The following NEGR1 variants were observed in gnomAD, a reference collection of about 807,000 sequenced individuals.
NEGR1 encodes IgLON family member 4.
A neutral mutation model predicts 40.9 loss-of-function variants in NEGR1; 10 were observed. The observed-to-expected ratio is 0.24, with a 90% CI of 0.15 to 0.42. The LOEUF (loss-of-function observed/expected upper bound fraction) is 0.42, where lower values mean the gene tolerates loss of function less well. Among genes scored for constraint, NEGR1 ranks in the 10% least tolerant of loss-of-function variants. The probability of loss-of-function intolerance (pLI) is 1.00; values close to 1 mark genes in which losing one functional copy is unlikely to be tolerated. For missense variants in NEGR1, 352 were observed against 438.9 expected (o/e 0.80, Z 1.77); for synonymous variants, 185 against 166.8 (o/e 1.11, Z -0.84).
chr1:72,121,063 T>C (rs1313624325), intron 1 of NEGR1, among the ~76,000 whole-genome samples: 1 of 152,114 alleles, frequency 6.6e-6, no homozygotes, highest in Non-Finnish European at 1.5e-5. Flanking sequence ...TATTTTTCTT[T>C]CACAGTGTAG....
chr1:71,529,678 T>C (rs557887264), intron 6 of NEGR1, among the ~76,000 whole-genome samples: 1 of 151,294 alleles, frequency 6.6e-6, no homozygotes, highest in Admixed American at 6.6e-5. Flanking sequence ...TAGTAAGAGA[T>C]GGTAAGCATT....
chr1:72,072,083 C>T (rs1569914808), intron 1 of NEGR1, among the ~76,000 whole-genome samples: 1 of 152,284 alleles, frequency 6.6e-6, no homozygotes, highest in East Asian at 1.9e-4. Context: ...GACTTTCCTA[C>T]TTCCACACAT....
intron 1 of NEGR1, among the ~76,000 whole-genome samples, chr1:72,069,578 C>A (rs1248110981): frequency 6.6e-6 from 1 of 152,130 alleles, no homozygotes; most frequent in African/African-American, 2.4e-5. Flanking sequence ...CACTATCTCT[C>A]TCTTACACAC....
chr1:71,710,895 A>C (rs1654059060), intron 3 of NEGR1, among the ~76,000 whole-genome samples: 1 of 152,152 alleles, frequency 6.6e-6, no homozygotes, highest in African/African-American at 2.4e-5. Flanking sequence ...AATTGGATTG[A>C]TTGTAACTCA....
chr1:71,640,590 C>T (rs1312144219), intron 4 of NEGR1, among the ~76,000 whole-genome samples: 5 of 151,992 alleles, frequency 3.3e-5, no homozygotes. Flanking sequence ...CCCAAGAAGA[C>T]AGTCACTTGA....
At chr1:71,790,821 C>T (rs1657089248) in intron 2 of NEGR1, among the ~76,000 whole-genome samples, 1 of 152,002 alleles carries the variant, frequency 6.6e-6, no homozygotes, top group African/African-American at 2.4e-5. Context: ...GTATTTGCTG[C>T]ACTACATACC....
intron 4 of NEGR1, among the ~76,000 whole-genome samples, chr1:71,630,283 G>A (rs1308059418): frequency 6.6e-6 from 1 of 151,930 alleles, no homozygotes; most frequent in African/African-American, 2.4e-5. Context: ...ATTAGAAGCA[G>A]TTTATGTGTT....
intron 1 of NEGR1, among the ~76,000 whole-genome samples, chr1:72,171,280 T>C (rs1651954546): frequency 6.6e-6 from 1 of 152,156 alleles, no homozygotes; most frequent in Non-Finnish European, 1.5e-5. Flanking sequence ...TCAATCTCAA[T>C]ATAAAGATAT....
chr1:71,801,023 CT>C (rs1332280609), intron 2 of NEGR1, among the ~76,000 whole-genome samples: 2 of 152,184 alleles, frequency 1.3e-5, no homozygotes, highest in Non-Finnish European at 2.9e-5. Flanking sequence ...CAACTACCTT[CT>C]TTCCTACCAC....
chr1:71,469,988 T>G (rs1183090904), intron 6 of NEGR1, among the ~76,000 whole-genome samples: 1 of 152,088 alleles, frequency 6.6e-6, no homozygotes, highest in Non-Finnish European at 1.5e-5. Context: ...AAAAGTAAAG[T>G]CTTTTTAGTC....
intron 2 of NEGR1, among the ~76,000 whole-genome samples, chr1:71,843,260 AG>A (rs972508960): frequency 2.0e-4 from 31 of 152,248 alleles, no homozygotes; most frequent in African/African-American, 7.2e-4. Context: ...GCACAGAAAC[AG>A]GGGCTCTCTA....
intron 2 of NEGR1, among the ~76,000 whole-genome samples, chr1:71,888,357 C>T (rs926581726): frequency 4.6e-4 from 70 of 152,004 alleles, no homozygotes; most frequent in Admixed American, 2.0e-3. Context: ...CCAGTGTGTG[C>T]GCCCACCGTG....
intron 1 of NEGR1, among the ~76,000 whole-genome samples, chr1:72,271,649 G>A (rs576498930): frequency 1.6e-4 from 24 of 151,894 alleles, no homozygotes; most frequent in Non-Finnish European, 2.8e-4. Flanking sequence ...ACTTCAATAC[G>A]TACAGTGTAT....
At chr1:71,777,560 G>T (rs1272301327) in intron 2 of NEGR1, among the ~76,000 whole-genome samples, 3 of 151,854 alleles carry the variant, frequency 2.0e-5, no homozygotes, top group African/African-American at 7.3e-5. Context: ...TAAATAAATA[G>T]CAATTACACC....
chr1:72,121,570 C>T (rs1270804651), intron 1 of NEGR1, among the ~76,000 whole-genome samples: 1 of 151,804 alleles, frequency 6.6e-6, no homozygotes, highest in African/African-American at 2.4e-5. Flanking sequence ...TGTCAGCAGA[C>T]AAAGTAGAAT....
chr1:71,946,894 A>G (rs965635273), intron 1 of NEGR1, among the ~76,000 whole-genome samples: 1 of 151,850 alleles, frequency 6.6e-6, no homozygotes, highest in African/African-American at 2.4e-5. Flanking sequence ...CCTGGGCAAC[A>G]TAACAAAACC....
At chr1:71,919,765 G>A (rs1418782411) in intron 2 of NEGR1, among the ~76,000 whole-genome samples, 2 of 152,154 alleles carry the variant, frequency 1.3e-5, no homozygotes, top group Admixed American at 1.3e-4. Flanking sequence ...TTTGAGGAAA[G>A]TTGTCTTTAA....
chr1:71,770,935 G>A (rs7520452), intron 3 of NEGR1, among the ~76,000 whole-genome samples: 113,460 of 151,992 alleles, frequency 0.75, 44,266 homozygotes, highest in Middle Eastern at 0.87. Flanking sequence ...ATTTGACCCA[G>A]CAATCTCATT....
chr1:71,717,033 T>C (rs537419988), intron 3 of NEGR1, among the ~76,000 whole-genome samples: 1 of 152,204 alleles, frequency 6.6e-6, no homozygotes, highest in African/African-American at 2.4e-5. Flanking sequence ...GCTGTTACTG[T>C]TTATGTCGTT....
Sources: gnomAD v4.1 joint callset for allele counts (sites outside exome capture counted in the v4.1 genomes callset) on GRCh38, gnomAD v4.1.1 for gene constraint, MANE v1.5 for transcripts, NCBI Gene and HGNC (gene_info 2026-07-23, HGNC 2026-07-21) for gene names.